Variants in KCNJ6 observed in about 807,000 individuals in gnomAD.
KCNJ6 encodes the protein G protein-activated inward rectifier potassium channel 2.
In KCNJ6, 9 loss-of-function variants were observed where a neutral mutation model predicts 34.2. That is an observed-to-expected ratio of 0.26 (90% confidence interval 0.16 to 0.46). The LOEUF (loss-of-function observed/expected upper bound fraction) is 0.46, where lower values mean the gene tolerates loss of function less well. KCNJ6 is among the 20% of genes least tolerant of loss of function. The pLI is 1.00. For missense variants in KCNJ6, 236 were observed against 531.3 expected (o/e 0.44, Z 5.46); for synonymous variants, 196 against 207.1 (o/e 0.95, Z 0.46).
intron 3 of KCNJ6, among the ~76,000 whole-genome samples, chr21:37,670,919 G>A (rs904781308): frequency 1.4e-4 from 22 of 152,248 alleles, no homozygotes; most frequent in African/African-American, 4.8e-4. Flanking sequence ...TTTGAACTTA[G>A]GTATTTTATT....
intron 3 of KCNJ6, among the ~76,000 whole-genome samples, chr21:37,652,708 T>C (rs2054439409): frequency 6.6e-6 from 1 of 152,182 alleles, no homozygotes; most frequent in Non-Finnish European, 1.5e-5. Flanking sequence ...ACTGGGATGA[T>C]TGGCCACTCT....
chr21:37,852,240 A>AG (rs1302048645), intron 1 of KCNJ6, among the ~76,000 whole-genome samples: 1 of 152,230 alleles, frequency 6.6e-6, no homozygotes, highest in African/African-American at 2.4e-5. Context: ...AAGGACAGTG[A>AG]GACTCCCTGG....
intron 3 of KCNJ6, among the ~76,000 whole-genome samples, chr21:37,647,037 G>A (rs2054408416): frequency 6.6e-6 from 1 of 152,150 alleles, no homozygotes; most frequent in Non-Finnish European, 1.5e-5. Flanking sequence ...CTGTGTGTAG[G>A]GATCAGAGCG....
intron 2 of KCNJ6, among the ~76,000 whole-genome samples, chr21:37,752,971 T>C (rs1190559456): frequency 6.6e-6 from 1 of 152,126 alleles, no homozygotes; most frequent in Non-Finnish European, 1.5e-5. Context: ...ATATATTAAG[T>C]AGCCAAAGTG....
At position 37,695,042 on chromosome 21, in the gene KCNJ6, A is replaced by C. The variant is rs1281031849; in HGVS notation, c.946+19169T>G. 6.6e-6 allele frequency among the ~76,000 whole-genome samples: 1 copy of C among 152,220 alleles called. No homozygotes were observed. Among genetic ancestry groups the C allele is most frequent in the Non-Finnish European group, 1.5e-5 (1 of 68,046 alleles). ...CTAGCCTATGATATTTTGTTATGGC[A>C]GCCTGAGCTGACTAATATACACAGC... is the stretch of plus-strand genomic sequence containing the variant. On this transcript the variant is annotated intron_variant, in intron 3 of 3. Transcript: ENST00000609713. This position sits in a 1 kb window ranked among gnomAD's most constrained non-coding sequence, Gnocchi z 4.2.
intron 2 of KCNJ6, among the ~76,000 whole-genome samples, chr21:37,725,931 GTTTCACTCT>G (rs1465174146): frequency 6.6e-6 from 1 of 152,120 alleles, no homozygotes; most frequent in Non-Finnish European, 1.5e-5. Flanking sequence ...TTGAGATGGA[GTTTCACTCT>G]TGTCACCCAG....
intron 3 of KCNJ6, among the ~76,000 whole-genome samples, chr21:37,680,197 C>A (rs2054584566): frequency 6.6e-6 from 1 of 151,962 alleles, no homozygotes; most frequent in Non-Finnish European, 1.5e-5. Context: ...TCATTTTTTA[C>A]CTTTTGGAGT....
chr21:37,851,512 G>C lies in KCNJ6; in HGVS notation c.-27-10803C>G, dbSNP rs182856450. On this transcript the variant is annotated intron_variant, in intron 1 of 3. Transcript: ENST00000609713. Reference sequence around the variant, plus strand: ...GATGGAAACTGTATTATTTTCTTGTGCTTCTTGTCGTGTGTTTTCAGCTTG... The same window carrying C: ...GATGGAAACTGTATTATTTTCTTGTCCTTCTTGTCGTGTGTTTTCAGCTTG... 1.2e-3 allele frequency among the ~76,000 whole-genome samples: 176 copies of C among 152,282 alleles called. 2 individuals are homozygous for C. Among genetic ancestry groups the C allele is most frequent in the Non-Finnish European group, 2.2e-4 (15 of 68,024 alleles).
At chr21:37,634,909 C>T (rs1466623428) in intron 3 of KCNJ6, among the ~76,000 whole-genome samples, 2 of 152,056 alleles carry the variant, frequency 1.3e-5, no homozygotes, top group Non-Finnish European at 2.9e-5. Context: ...CAGGCTTGCA[C>T]CACCACGGCT....
At chr21:37,835,707 C>T (rs563628964) in intron 2 of KCNJ6, among the ~76,000 whole-genome samples, 1 of 152,254 alleles carries the variant, frequency 6.6e-6, no homozygotes, top group Non-Finnish European at 1.5e-5. Context: ...TGTCTTTAGA[C>T]AATATTGGGA....
intron 1 of KCNJ6, among the ~76,000 whole-genome samples, chr21:37,904,998 CTATT>C (rs990924661): frequency 7.9e-5 from 12 of 152,196 alleles, no homozygotes; most frequent in African/African-American, 2.7e-4. Context: ...CCCAGCACCG[CTATT>C]TATTCACTGG....
intron 2 of KCNJ6, among the ~76,000 whole-genome samples, chr21:37,788,020 A>T (rs975983956): frequency 6.6e-6 from 1 of 152,216 alleles, no homozygotes; most frequent in East Asian, 1.9e-4. Context: ...TCTGGCTTTC[A>T]TATTTTTCAA....
At chr21:37,817,904 T>C (rs566876769) in intron 2 of KCNJ6, among the ~76,000 whole-genome samples, 8 of 152,280 alleles carry the variant, frequency 5.3e-5, no homozygotes, top group Admixed American at 4.6e-4. Flanking sequence ...TGTCTGAATA[T>C]CATTAACAGT....
chr21:37,884,219 C>T (rs570679728), intron 1 of KCNJ6, among the ~76,000 whole-genome samples: 5 of 152,254 alleles, frequency 3.3e-5, no homozygotes, highest in South Asian at 2.1e-4. Flanking sequence ...GATGCATTTC[C>T]GCACCTCACA....
intron 3 of KCNJ6, among the ~76,000 whole-genome samples, chr21:37,671,937 T>C (rs2054544088): frequency 6.6e-6 from 1 of 152,246 alleles, no homozygotes; most frequent in East Asian, 1.9e-4. Flanking sequence ...ATTTGTTTAT[T>C]GGCTCTCGTA....
chr21:37,685,637 A>T (rs9636927), intron 3 of KCNJ6, among the ~76,000 whole-genome samples: 2 of 36,918 alleles, frequency 5.4e-5, no homozygotes, highest in Admixed American at 4.8e-4. Context: ...GCCGAGATTG[A>T]GCCACTGCAC....
intron 3 of KCNJ6, among the ~76,000 whole-genome samples, chr21:37,676,703 A>G (rs1319202205): frequency 6.6e-6 from 1 of 152,236 alleles, no homozygotes; most frequent in Non-Finnish European, 1.5e-5. Flanking sequence ...TGGGGACAGC[A>G]GCCATGTCTG....
At chr21:37,659,815 C>T (rs192728462) in intron 3 of KCNJ6, among the ~76,000 whole-genome samples, 1 of 152,366 alleles carries the variant, frequency 6.6e-6, no homozygotes, top group Non-Finnish European at 1.5e-5. Context: ...TCTTCATGCC[C>T]TCTCCAATGA....
chr21:37,651,880 T>A (rs1319867132), intron 3 of KCNJ6, among the ~76,000 whole-genome samples: 1 of 152,202 alleles, frequency 6.6e-6, no homozygotes, highest in Non-Finnish European at 1.5e-5. Context: ...CATGTCAACT[T>A]CAACCACAGT....
Sources: allele counts gnomAD v4.1 joint callset (sites outside exome capture counted in the v4.1 genomes callset), GRCh38; gene constraint gnomAD v4.1.1; non-coding constraint Gnocchi (gnomAD v3.1); transcripts MANE v1.5; gene names NCBI Gene and HGNC (gene_info 2026-07-23, HGNC 2026-07-21).